Variants in DLG2 observed in about 807,000 individuals in gnomAD.
The protein encoded by DLG2 is discs large MAGUK scaffold protein 2, also known as disks large homolog 2.
A neutral mutation model predicts 132.5 loss-of-function variants in DLG2; 45 were observed. The observed-to-expected ratio is 0.34, with a 90% CI of 0.27 to 0.44. The LOEUF is 0.44. DLG2 is among the 20% of genes least tolerant of loss of function. The pLI is 1.00. For synonymous variants in DLG2, 424 were observed against 419.6 expected (o/e 1.01, Z -0.13); for missense variants, 1,045 against 1,196.9 (o/e 0.87, Z 1.87).
chr11:84,271,690 TCAAGA>T (rs1383997897), intron 7 of DLG2, among the ~76,000 whole-genome samples: 3 of 152,056 alleles, frequency 2.0e-5, no homozygotes, highest in South Asian at 2.1e-4. Context: ...TTTAAGGAGC[TCAAGA>T]CAAGACAACA....
rs1397429981 is a variant in DLG2, at chr11:83,499,850, GAGATATATATATATATATATATATATAT to G, written c.2194-15650_2194-15623del. ...ATATATATATTTCCTCCACTAATAG[GAGATATATATATATATATATATATATAT>G]ATATATATATATATATATATCAGTT... On this transcript the variant is annotated intron_variant, in intron 21 of 27. Coordinates refer to ENST00000376104, the MANE Select transcript of DLG2 (RefSeq NM_001142699.3). Among the ~76,000 whole-genome samples, 151 of 58,770 alleles carry G rather than the reference GAGATATATATATATATATATATATATAT, an allele frequency of 2.6e-3. 3 individuals are homozygous for G. The highest frequency in any genetic ancestry group is 0.016 in the East Asian group (23 of 1,448). The allele number at this position is 58,770 out of a possible 152,430, so 38.6% of individuals were successfully genotyped here. A position where few individuals can be genotyped will look rare whatever the true frequency, so the allele number is the denominator to read the frequency against.
intron 6 of DLG2, among the ~76,000 whole-genome samples, chr11:85,035,826 A>G (rs1160545665): frequency 6.6e-6 from 1 of 152,202 alleles, no homozygotes; most frequent in Non-Finnish European, 1.5e-5. Flanking sequence ...CTAAAAAGAA[A>G]CATGCTTATC....
Position 84,358,550 on chromosome 11 carries a change from G to A in DLG2, c.520-107259C>T, listed in dbSNP as rs2098631400. Among the ~76,000 whole-genome samples the A allele has an allele frequency of 3.3e-5, 5 of 151,678 alleles. No homozygotes were observed. The South Asian group carries it at 1.0e-3, about 32-fold the overall frequency. On this transcript the variant is annotated intron_variant, in intron 7 of 27. Coordinates refer to ENST00000376104, the MANE Select transcript of DLG2 (RefSeq NM_001142699.3). ...CTGGGGAAGCTAGTGATAACTCTGA[G>A]GTGGTAACTTCTCTCTAGGTTATTT...
chr11:83,488,493 C>CTACT (rs1426098055), intron 21 of DLG2, among the ~76,000 whole-genome samples: 3 of 151,956 alleles, frequency 2.0e-5, no homozygotes, highest in Non-Finnish European at 2.9e-5. Context: ...AATTATTTTC[C>CTACT]TACTCAAATC....
chr11:84,450,472 T>C (rs1032404406), intron 7 of DLG2, among the ~76,000 whole-genome samples: 2 of 150,764 alleles, frequency 1.3e-5, no homozygotes, highest in Non-Finnish European at 3.0e-5. Flanking sequence ...AAACATGAGA[T>C]GTGTTTGAGG....
At chr11:84,648,927 C>T (rs991603395) in intron 6 of DLG2, among the ~76,000 whole-genome samples, 1 of 152,102 alleles carries the variant, frequency 6.6e-6, no homozygotes, top group Non-Finnish European at 1.5e-5. Flanking sequence ...CAAGTATTCC[C>T]TTATAACAAC....
At chr11:84,266,590 A>G (rs2097639817) in intron 7 of DLG2, among the ~76,000 whole-genome samples, 1 of 152,244 alleles carries the variant, frequency 6.6e-6, no homozygotes, top group African/African-American at 2.4e-5. Flanking sequence ...GAGGATGATG[A>G]GTTAAGTACT....
chr11:85,483,044 T>C (rs185266624), intron 3 of DLG2, among the ~76,000 whole-genome samples: 92 of 152,276 alleles, frequency 6.0e-4, no homozygotes, highest in Middle Eastern at 6.8e-3. Flanking sequence ...AGCAGAAAAC[T>C]TTTCAAATTT....
chr11:83,552,168 G>A (rs921367729), intron 19 of DLG2, among the ~76,000 whole-genome samples: 2 of 152,284 alleles, frequency 1.3e-5, no homozygotes, highest in East Asian at 1.9e-4. Flanking sequence ...GTTAGGAGTT[G>A]ATTGTTGCTA....
intron 7 of DLG2, among the ~76,000 whole-genome samples, chr11:84,343,224 GA>G (rs996685810): frequency 1.3e-5 from 2 of 152,178 alleles, no homozygotes; most frequent in African/African-American, 4.8e-5. Context: ...GCAAAAGTTA[GA>G]ATGAACAAAT....
chr11:83,577,589 C>CATA (rs2096896250), intron 19 of DLG2, among the ~76,000 whole-genome samples: 2 of 42,840 alleles, frequency 4.7e-5, no homozygotes, highest in Non-Finnish European at 9.8e-5. Context: ...TATATATATC[C>CATA]TATTTATAAT....
intron 6 of DLG2, among the ~76,000 whole-genome samples, chr11:84,542,311 A>G (rs17807706): frequency 0.068 from 10,388 of 152,288 alleles, 422 homozygotes; most frequent in South Asian, 0.11. Flanking sequence ...GGCTGATAGT[A>G]GCATTATGAA....
At chr11:83,733,991 A>T (rs778245775) in intron 18 of DLG2, among the ~76,000 whole-genome samples, 3 of 124,760 alleles carry the variant, frequency 2.4e-5, no homozygotes, top group Non-Finnish European at 4.7e-5. Flanking sequence ...CACATTATTT[A>T]GCTCCTACTT....
intron 2 of DLG2, among the ~76,000 whole-genome samples, chr11:85,624,581 A>G (rs992758767): frequency 6.6e-6 from 1 of 152,174 alleles, no homozygotes; most frequent in Non-Finnish European, 1.5e-5. Flanking sequence ...TACTGTTCTT[A>G]TATTATATAA....
intron 7 of DLG2, among the ~76,000 whole-genome samples, chr11:84,456,240 G>C (rs1481079984): frequency 1.3e-5 from 2 of 151,276 alleles, no homozygotes; most frequent in African/African-American, 2.4e-5. Flanking sequence ...ATCATGACAA[G>C]TAGCTATGCA....
At chr11:85,459,951 T>C (rs1040016856) in intron 3 of DLG2, among the ~76,000 whole-genome samples, 4 of 152,186 alleles carry the variant, frequency 2.6e-5, no homozygotes, top group African/African-American at 7.2e-5. Flanking sequence ...AGGAGATCTG[T>C]ACCACTCCCT....
At chr11:83,807,828 AT>A (rs2046304742) in intron 17 of DLG2, among the ~76,000 whole-genome samples, 1 of 152,160 alleles carries the variant, frequency 6.6e-6, no homozygotes, top group Admixed American at 6.5e-5. Context: ...GCACAGAAAG[AT>A]TAGATGCTTC....
At chr11:83,509,586 C>T (rs1035706163) in intron 21 of DLG2, among the ~76,000 whole-genome samples, 8 of 152,174 alleles carry the variant, frequency 5.3e-5, no homozygotes, top group African/African-American at 1.7e-4. Flanking sequence ...TACTCCATCT[C>T]TCAAGCCATT....
At chr11:84,241,362 T>C (rs1444788290) in intron 8 of DLG2, among the ~76,000 whole-genome samples, 1 of 152,202 alleles carries the variant, frequency 6.6e-6, no homozygotes. Flanking sequence ...ACTACCTTGA[T>C]AGGAAGAAGA....
Sources: allele counts gnomAD v4.1 joint callset (sites outside exome capture counted in the v4.1 genomes callset), GRCh38; gene constraint gnomAD v4.1.1; transcripts MANE v1.5; gene names NCBI Gene and HGNC (gene_info 2026-07-23, HGNC 2026-07-21).